Variants in DNER observed in about 807,000 individuals in gnomAD.
The protein encoded by DNER is delta/notch like EGF repeat containing.
DNER carries 33 observed loss-of-function variants against 78.2 expected under a neutral mutation model. The observed-to-expected ratio is 0.42, with a 90% CI of 0.32 to 0.56. The LOEUF (loss-of-function observed/expected upper bound fraction) is 0.56, where lower values mean the gene tolerates loss of function less well. DNER is among the 20% of genes least tolerant of loss of function. The pLI, the probability that DNER is intolerant of heterozygous loss-of-function variation, is 0.11. For synonymous variants in DNER, 417 were observed against 384.8 expected (o/e 1.08, Z -0.98); for missense variants, 918 against 975.3 (o/e 0.94, Z 0.78).
chr2:229,421,421 T>C (rs187517590), intron 8 of DNER, among the ~76,000 whole-genome samples: 113 of 151,350 alleles, frequency 7.5e-4, no homozygotes, highest in Non-Finnish European at 1.2e-3. Flanking sequence ...CATTTAATGC[T>C]GTGTTTTTTT....
intron 1 of DNER, among the ~76,000 whole-genome samples, chr2:229,603,286 G>A (rs1239853952): frequency 6.6e-6 from 1 of 151,526 alleles, no homozygotes; most frequent in Non-Finnish European, 1.5e-5. Context: ...AACACAAAGA[G>A]TACTAACTAT....
At chr2:229,707,868 T>G (rs1427208348) in intron 1 of DNER, among the ~76,000 whole-genome samples, 1 of 152,230 alleles carries the variant, frequency 6.6e-6, no homozygotes, top group African/African-American at 2.4e-5. Context: ...TTAACAGAAG[T>G]GAGCACCTTT....
chr2:229,453,417 A>G (rs1238096497), intron 7 of DNER, among the ~76,000 whole-genome samples: 1 of 152,206 alleles, frequency 6.6e-6, no homozygotes, highest in Non-Finnish European at 1.5e-5. Context: ...TAGTCATTAA[A>G]TATGCAGAAC....
intron 1 of DNER, among the ~76,000 whole-genome samples, chr2:229,600,877 TAGC>T (rs1227330933): frequency 6.6e-6 from 1 of 152,166 alleles, no homozygotes; most frequent in African/African-American, 2.4e-5. Context: ...GATATTGAAA[TAGC>T]AGGAGAGTGA....
At chr2:229,409,660 A>G (rs1171154317) in intron 9 of DNER, among the ~76,000 whole-genome samples, 4 of 152,114 alleles carry the variant, frequency 2.6e-5, no homozygotes, top group East Asian at 1.9e-4. Context: ...GCGGGGAGAC[A>G]ATACTTTTTT....
chr2:229,594,952 TAAAA>T (rs200824543), intron 1 of DNER, among the ~76,000 whole-genome samples: 2 of 102,686 alleles, frequency 1.9e-5, no homozygotes, highest in African/African-American at 6.7e-5. Flanking sequence ...AAATGCTGTT[TAAAA>T]AAAAAAAAAA....
chr2:229,424,595 C>T (rs1054288297), intron 8 of DNER, among the ~76,000 whole-genome samples: 7 of 152,108 alleles, frequency 4.6e-5, no homozygotes, highest in African/African-American at 1.7e-4. Flanking sequence ...ATGTCCTTTT[C>T]TCTGTGTGTG....
intron 1 of DNER, among the ~76,000 whole-genome samples, chr2:229,668,560 A>G (rs1187393635): frequency 7.2e-5 from 9 of 125,800 alleles, no homozygotes; most frequent in Admixed American, 1.5e-4. Flanking sequence ...ATATATATAT[A>G]TATATATATA....
chr2:229,418,081 G>T (rs1271252227), intron 9 of DNER, 27 bp downstream of exon 9: 2 of 1,613,998 alleles, frequency 1.2e-6, no homozygotes, highest in Non-Finnish European at 8.5e-7. Flanking sequence ...AGCCATTCTG[G>T]CACAGGAAGG....
chr2:229,592,098 A>G (rs2154214650), intron 1 of DNER, among the ~76,000 whole-genome samples: 1 of 152,326 alleles, frequency 6.6e-6, no homozygotes, highest in Non-Finnish European at 1.5e-5. Flanking sequence ...GGCACCCAGC[A>G]AGAAAATACA....
chr2:229,387,173 G>GC (rs1692885968), intron 11 of DNER, among the ~76,000 whole-genome samples: 1 of 152,090 alleles, frequency 6.6e-6, no homozygotes, highest in Non-Finnish European at 1.5e-5. Flanking sequence ...CCTGTCCTTT[G>GC]CAGGGACATG....
intron 11 of DNER, among the ~76,000 whole-genome samples, chr2:229,385,577 T>A (rs373867657): frequency 3.9e-5 from 6 of 152,166 alleles, no homozygotes; most frequent in African/African-American, 1.2e-4. Context: ...AAAGCCCCAT[T>A]GTCTCAGCTC....
intron 1 of DNER, among the ~76,000 whole-genome samples, chr2:229,676,425 C>T (rs1178159833): frequency 6.6e-6 from 1 of 152,228 alleles, no homozygotes; most frequent in East Asian, 1.9e-4. Flanking sequence ...CTGGCAAGTG[C>T]TAAATCATAG....
intron 1 of DNER, among the ~76,000 whole-genome samples, chr2:229,664,056 C>T (rs763606100): frequency 3.3e-5 from 5 of 152,144 alleles, no homozygotes; most frequent in Non-Finnish European, 4.4e-5. Flanking sequence ...CTTCATTATC[C>T]TTGCTCACAT....
chr2:229,600,700 C>G (rs1302206614), intron 1 of DNER, among the ~76,000 whole-genome samples: 1 of 152,154 alleles, frequency 6.6e-6, no homozygotes, highest in African/African-American at 2.4e-5. Flanking sequence ...GGGTCATACC[C>G]CTACCTTTCC....
chr2:229,558,509 C>CA (rs112326369), intron 4 of DNER, among the ~76,000 whole-genome samples: 4 of 152,176 alleles, frequency 2.6e-5, no homozygotes, highest in Non-Finnish European at 4.4e-5. Context: ...CTGCAACCCA[C>CA]AAAAAATGTA....
chr2:229,531,166 G>C (rs1696293011), intron 5 of DNER, among the ~76,000 whole-genome samples: 1 of 152,118 alleles, frequency 6.6e-6, no homozygotes, highest in Non-Finnish European at 1.5e-5. Flanking sequence ...CCTAGCCTAG[G>C]CCAGTACTCA....
chr2:229,656,985 C>CGTGTGTGTGTGTGTGTGT lies in DNER; in HGVS notation c.276+57145_276+57162dup, dbSNP rs1417445603. On this transcript the variant is annotated intron_variant, in intron 1 of 12. Transcript: ENST00000341772. ...CAAGACCATCACATCACAGTTACCA[C>CGTGTGTGTGTGTGTGTGT]GTGTGTGTGTGTGTGTGTGTGTGTG... 8.6e-3 allele frequency among the ~76,000 whole-genome samples: 1,277 copies of CGTGTGTGTGTGTGTGTGT among 148,804 alleles called. 9 individuals carry two copies. The highest frequency in any genetic ancestry group is 0.018 in the African/African-American group (714 of 40,528).
At chr2:229,456,426 C>A (rs141830497) in intron 7 of DNER, among the ~76,000 whole-genome samples, 1 of 151,438 alleles carries the variant, frequency 6.6e-6, no homozygotes, top group Non-Finnish European at 1.5e-5. Flanking sequence ...CCACACCAAG[C>A]AGAAAGGCCA....
Sources: gnomAD v4.1 joint callset for allele counts (sites outside exome capture counted in the v4.1 genomes callset) on GRCh38, gnomAD v4.1.1 for gene constraint, MANE v1.5 for transcripts, NCBI Gene and HGNC (gene_info 2026-07-23, HGNC 2026-07-21) for gene names.